The following TNPO1 variants were observed in gnomAD, a reference collection of about 807,000 sequenced individuals.
TNPO1 encodes the protein transportin-1.
Under a neutral mutation model 119.5 loss-of-function variants are expected in TNPO1, and 8 were observed. The ratio of observed to expected loss-of-function variants is 0.07; its 90% CI spans 0.04 to 0.12. TNPO1 has a LOEUF of 0.12. Ranked by LOEUF, TNPO1 falls within the 10% of genes least tolerant of loss-of-function variation. The pLI is 1.00. For synonymous variants in TNPO1, 362 were observed against 363.0 expected, an observed-to-expected ratio of 1.00 and a Z score of 0.03; for missense variants, 576 against 1,089.8, an observed-to-expected ratio of 0.53 and a Z score of 6.64.
At chr5:72,903,109 A>G (rs1033864036) in intron 22 of TNPO1, among the ~76,000 whole-genome samples, 1 of 152,208 alleles carries the variant, frequency 6.6e-6, no homozygotes, top group Admixed American at 6.5e-5. Context: ...TCTTGTTCTT[A>G]TAGTCAGAAT....
intron 1 of TNPO1, among the ~76,000 whole-genome samples, chr5:72,833,122 C>T (rs894566942): frequency 2.0e-5 from 3 of 152,130 alleles, no homozygotes; most frequent in Non-Finnish European, 4.4e-5. Context: ...AATAAACCTC[C>T]CCTTTTCTCT....
intron 1 of TNPO1, among the ~76,000 whole-genome samples, chr5:72,833,468 T>C (rs1002286698): frequency 6.6e-6 from 1 of 152,186 alleles, no homozygotes; most frequent in African/African-American, 2.4e-5. Context: ...TGTCTAGTAC[T>C]CATTACATTC....
chr5:72,826,131 C>A (rs1744196866), intron 1 of TNPO1, among the ~76,000 whole-genome samples: 1 of 152,084 alleles, frequency 6.6e-6, no homozygotes, highest in Admixed American at 6.5e-5. Context: ...GGACTTACCT[C>A]CCAGTCTTTG....
At chr5:72,904,987 G>A (rs987286902) in intron 23 of TNPO1, among the ~76,000 whole-genome samples, 6 of 152,268 alleles carry the variant, frequency 3.9e-5, no homozygotes, top group East Asian at 3.9e-4. Context: ...TTATCAAACC[G>A]TCAGATCTCA....
intron 1 of TNPO1, 116 bp from the exon 2 acceptor site, chr5:72,848,269 A>G (rs2112239290): frequency 2.3e-6 from 3 of 1,308,104 alleles, no homozygotes; most frequent in Non-Finnish European, 3.0e-6. Context: ...GCGTTTGGGG[A>G]GCGCTGGGGT....
At chr5:72,818,898 T>C (rs778831183) in intron 1 of TNPO1, among the ~76,000 whole-genome samples, 1 of 152,192 alleles carries the variant, frequency 6.6e-6, no homozygotes, top group Non-Finnish European at 1.5e-5. Context: ...TTTTTCTTAG[T>C]TGACCCTATT....
intron 9 of TNPO1, among the ~76,000 whole-genome samples, chr5:72,877,620 T>C (rs1031041382): frequency 3.9e-5 from 6 of 152,180 alleles, no homozygotes. Flanking sequence ...TGTTTTGTTT[T>C]GTTTTTAAAA....
At chr5:72,826,817 T>C (rs754837881) in intron 1 of TNPO1, among the ~76,000 whole-genome samples, 7 of 152,184 alleles carry the variant, frequency 4.6e-5, no homozygotes, top group Non-Finnish European at 8.8e-5. Flanking sequence ...ACCAAATGCA[T>C]ACTAAAGTAC....
At chr5:72,863,715 T>C (rs954855579) in intron 5 of TNPO1, among the ~76,000 whole-genome samples, 1 of 148,612 alleles carries the variant, frequency 6.7e-6, no homozygotes, top group African/African-American at 2.5e-5. Flanking sequence ...GGACTGAGAT[T>C]GCACCACTGC....
rs1750353372 is a variant in TNPO1 at position 72,908,769 on chromosome 5, C to G, written c.*96C>G. 1 of 242,700 alleles carries G rather than the reference C, an allele frequency of 4.1e-6. No homozygotes were observed. Among genetic ancestry groups the G allele is most frequent in the Admixed American group, 4.9e-5 (1 of 20,496 alleles). The allele number at this position is 242,700 out of a possible 1,614,324, so 15.0% of individuals were successfully genotyped here. On this transcript the variant is annotated 3_prime_UTR_variant, in exon 25 of 25. Coordinates refer to ENST00000337273, the MANE Select transcript of TNPO1 (RefSeq NM_002270.4). ...CACCCAGGGAAAATGTTACCCTTTA[C>G]AGGGGGGAAGGGTAAACCAGTAGGG...
At chr5:72,869,538 C>T (rs570659863) in intron 6 of TNPO1, among the ~76,000 whole-genome samples, 1 of 152,166 alleles carries the variant, frequency 6.6e-6, no homozygotes, top group African/African-American at 2.4e-5. Flanking sequence ...CAGAGTGAGA[C>T]TCCATCTCAA....
At position 72,911,344 on chromosome 5, in the gene TNPO1, T is replaced by A. The variant is rs1408949382; in HGVS notation, c.*2671T>A. 1 of 152,422 alleles carries A rather than the reference T, an allele frequency of 6.6e-6. No individual in the cohort carries two copies. The highest frequency in any genetic ancestry group is 2.4e-5 in the African/African-American group (1 of 41,424). 9.4% of individuals were successfully genotyped at this position (152,422 alleles called of 1,614,324 possible). A position where few individuals can be genotyped will look rare whatever the true frequency, so the allele number is the denominator to read the frequency against. On this transcript the variant is annotated 3_prime_UTR_variant, in exon 25 of 25. Coordinates refer to ENST00000337273, the MANE Select transcript of TNPO1 (RefSeq NM_002270.4). ...CTTTTTTTTTTTATTTAAATGAAAT[T>A]TAATTTGAAAATAGAAAATAAAATT...
At chr5:72,817,928 G>C (rs541171429) in intron 1 of TNPO1, among the ~76,000 whole-genome samples, 1 of 152,140 alleles carries the variant, frequency 6.6e-6, no homozygotes, top group East Asian at 1.9e-4. Flanking sequence ...TTTGGGAAAG[G>C]ATCTGTTTTC....
intron 6 of TNPO1, among the ~76,000 whole-genome samples, chr5:72,872,122 T>G (rs1747447803): frequency 6.6e-6 from 1 of 152,200 alleles, no homozygotes; most frequent in South Asian, 2.1e-4. Flanking sequence ...TACAGCCTAT[T>G]TCATTAACCC....
intron 3 of TNPO1, among the ~76,000 whole-genome samples, chr5:72,854,664 T>G (rs147601740): frequency 2.1e-4 from 32 of 152,324 alleles, no homozygotes; most frequent in African/African-American, 7.2e-4. Context: ...TTAGCAATGT[T>G]TAATAAATCA....
At chr5:72,823,159 C>T (rs1164271088) in intron 1 of TNPO1, among the ~76,000 whole-genome samples, 3 of 152,150 alleles carry the variant, frequency 2.0e-5, no homozygotes, top group Admixed American at 6.5e-5. Flanking sequence ...TTGTTTGCTC[C>T]GTAACTTTCC....
At chr5:72,836,480 G>A (rs754205012) in intron 1 of TNPO1, among the ~76,000 whole-genome samples, 1 of 152,176 alleles carries the variant, frequency 6.6e-6, no homozygotes, top group Non-Finnish European at 1.5e-5. Context: ...GCACTATAAT[G>A]TGGGTAGCAG....
At chr5:72,885,780 A>G (rs266445) in intron 11 of TNPO1, among the ~76,000 whole-genome samples, 19,887 of 131,954 alleles carry the variant, frequency 0.15, 1,623 homozygotes, top group East Asian at 0.37. Context: ...ATTATTGTCT[A>G]GTAGTTTGTG....
At chr5:72,837,428 T>C (rs1305101048) in intron 1 of TNPO1, among the ~76,000 whole-genome samples, 1 of 152,192 alleles carries the variant, frequency 6.6e-6, no homozygotes, top group African/African-American at 2.4e-5. Flanking sequence ...AGGGCATTAA[T>C]TCCATTCACG....
Sources: allele counts gnomAD v4.1 joint callset (sites outside exome capture counted in the v4.1 genomes callset), GRCh38; gene constraint gnomAD v4.1.1; transcripts MANE v1.5; gene names NCBI Gene and HGNC (gene_info 2026-07-23, HGNC 2026-07-21).